Variants in MYO5B observed in about 807,000 individuals in gnomAD.
MYO5B encodes myosin VB, also known as unconventional myosin-Vb.
MYO5B carries 143 observed loss-of-function variants against 229.3 expected under a neutral mutation model. That is an observed-to-expected ratio of 0.62 (90% confidence interval 0.54 to 0.72). MYO5B has a LOEUF of 0.72. Among genes scored for constraint, MYO5B ranks in the 30% least tolerant of loss-of-function variants. The pLI is 0.00. For synonymous variants in MYO5B, 918 were observed against 885.2 expected (o/e 1.04, Z -0.66); for missense variants, 2,321 against 2,331.0 (o/e 1.00, Z 0.09).
intron 14 of MYO5B, among the ~76,000 whole-genome samples, chr18:49,940,656 C>G (rs2025303936): frequency 6.6e-6 from 1 of 152,176 alleles, no homozygotes. Context: ...GTATTTTTCA[C>G]ATATTAAAGT....
At chr18:49,892,703 T>TC (rs2024729601) in intron 22 of MYO5B, among the ~76,000 whole-genome samples, 1 of 152,172 alleles carries the variant, frequency 6.6e-6, no homozygotes, top group South Asian at 2.1e-4. Context: ...GCCAGCCAGC[T>TC]CATCTACCTA....
At chr18:49,845,375 T>C (rs2024112140) in intron 33 of MYO5B, among the ~76,000 whole-genome samples, 1 of 152,210 alleles carries the variant, frequency 6.6e-6, no homozygotes, top group Non-Finnish European at 1.5e-5. Context: ...TTAAGGCAGA[T>C]GTCACAATCT....
Position 49,895,114 on chromosome 18 carries a change from C to T in MYO5B, c.2872G>A (p.Glu958Lys). Residue 958 changes from glutamate to lysine, a missense_variant, in exon 22 of 40, where the codon GAG becomes AAG. Physicochemically the swap from Glu to Lys is moderately conservative, Grantham distance 56. Around this residue, in one of 2 missense-constraint regions of MYO5B, gnomAD observed 2,113 missense variants for 2,044.7 expected, o/e 1.03. Coordinates refer to ENST00000285039, the MANE Select transcript of MYO5B (RefSeq NM_001080467.3). ...LSVTTSTYTM[E>K]VERLKKELVH... ...AGCTCCTTCTTCAGCCGCTCTACCTCCATGGTGTATGTTGAGGTGGTCACG... is the reference window on the plus strand; with the variant it reads ...AGCTCCTTCTTCAGCCGCTCTACCTTCATGGTGTATGTTGAGGTGGTCACG... 2 of 1,614,192 alleles carry T rather than the reference C, an allele frequency of 1.2e-6. No individual in the cohort carries two copies. Among genetic ancestry groups the T allele is most frequent in the Non-Finnish European group, 1.7e-6 (2 of 1,180,044 alleles).
intron 27 of MYO5B, among the ~76,000 whole-genome samples, chr18:49,865,727 T>C (rs1004097927): frequency 6.6e-6 from 1 of 152,206 alleles, no homozygotes; most frequent in Non-Finnish European, 1.5e-5. Context: ...TGACAGCTGT[T>C]GGCTGTGTGC....
intron 2 of MYO5B, among the ~76,000 whole-genome samples, chr18:50,045,548 C>T (rs2030201099): frequency 6.6e-6 from 1 of 152,120 alleles, no homozygotes; most frequent in Non-Finnish European, 1.5e-5. Context: ...TATGTGCCAT[C>T]ACACTTGGCT....
At chr18:50,116,950 A>T (rs2457966) in intron 1 of MYO5B, among the ~76,000 whole-genome samples, 1 of 152,168 alleles carries the variant, frequency 6.6e-6, no homozygotes, top group Non-Finnish European at 1.5e-5. Context: ...CATAAGACTC[A>T]CATACCCAAC....
At chr18:50,114,137 G>A (rs1437121584) in intron 1 of MYO5B, among the ~76,000 whole-genome samples, 1 of 152,132 alleles carries the variant, frequency 6.6e-6, no homozygotes, top group Non-Finnish European at 1.5e-5. Context: ...GTTGCAATGA[G>A]GAGATGGTAT....
intron 14 of MYO5B, among the ~76,000 whole-genome samples, chr18:49,952,163 G>A (rs2025437513): frequency 6.6e-6 from 1 of 152,164 alleles, no homozygotes; most frequent in South Asian, 2.1e-4. Context: ...TTGGCTTTAT[G>A]TCCTGGGTCC....
intron 2 of MYO5B, among the ~76,000 whole-genome samples, chr18:50,044,478 A>C (rs2030164176): frequency 6.6e-6 from 1 of 152,082 alleles, no homozygotes; most frequent in Non-Finnish European, 1.5e-5. Flanking sequence ...ATTAATACTT[A>C]GTCACCACTC....
At chr18:50,164,010 GAGGTACAACATTAC>G (rs2032807702) in intron 1 of MYO5B, among the ~76,000 whole-genome samples, 1 of 152,224 alleles carries the variant, frequency 6.6e-6, no homozygotes, top group Admixed American at 6.5e-5. Flanking sequence ...CAAGTTATCA[GAGGTACAACATTAC>G]AGGCAAAGAA....
At position 49,913,212 on chromosome 18, in the gene MYO5B, T is replaced by C. The variant is rs898695406; in HGVS notation, c.2091-1039A>G. ...GGGAATCTTTAAAGAAAGCCTTAAGTTTTCCCCTTGGCCTCTGAAATGATC... is the reference window on the plus strand; with the variant it reads ...GGGAATCTTTAAAGAAAGCCTTAAGCTTTCCCCTTGGCCTCTGAAATGATC... On this transcript the variant is annotated intron_variant, in intron 17 of 39. Coordinates refer to ENST00000285039, the MANE Select transcript of MYO5B (RefSeq NM_001080467.3). 3.3e-5 allele frequency among the ~76,000 whole-genome samples: 5 copies of C among 152,182 alleles called. No individual in the cohort carries two copies. The South Asian group carries it at 6.2e-4, about 19-fold the overall frequency.
chr18:50,128,267 GA>G (rs142348914), intron 1 of MYO5B, among the ~76,000 whole-genome samples: 11,468 of 152,194 alleles, frequency 0.075, 505 homozygotes, highest in East Asian at 0.21. Flanking sequence ...GCGAAGATGT[GA>G]AAAAATGAGA....
At chr18:50,111,043 T>A (rs1440547576) in intron 1 of MYO5B, among the ~76,000 whole-genome samples, 1 of 152,154 alleles carries the variant, frequency 6.6e-6, no homozygotes, top group African/African-American at 2.4e-5. Flanking sequence ...TTAATTCCCC[T>A]CTCATAAGGT....
Position 50,091,192 on chromosome 18 carries a change from C to T in MYO5B, c.28-35814G>A, listed in dbSNP as rs192295470. On this transcript the variant is annotated intron_variant, in intron 1 of 39. Transcript: ENST00000285039. ...AAGGAGACTAAAACAAAGTCCTCTA[C>T]TATCATTCAGACGCACTGGAAGTTT... is the stretch of plus-strand genomic sequence containing the variant. Among the ~76,000 whole-genome samples, 18 of 152,322 alleles carry T rather than the reference C, an allele frequency of 1.2e-4. No individual in the cohort carries two copies. In the East Asian group the frequency reaches 2.1e-3, roughly 18 times the overall value.
chr18:50,107,333 T>C (rs1398104411), intron 1 of MYO5B, among the ~76,000 whole-genome samples: 2 of 151,776 alleles, frequency 1.3e-5, no homozygotes, highest in Non-Finnish European at 2.9e-5. Flanking sequence ...GCCAGGATGG[T>C]CTTGATCTCC....
At chr18:49,827,208 G>A (rs2023857786) in intron 39 of MYO5B, among the ~76,000 whole-genome samples, 1 of 152,256 alleles carries the variant, frequency 6.6e-6, no homozygotes. Flanking sequence ...GGTAAAGGGA[G>A]AGGCTGCTGA....
At chr18:49,903,218 G>A (rs780255050) in intron 20 of MYO5B, among the ~76,000 whole-genome samples, 1 of 151,922 alleles carries the variant, frequency 6.6e-6, no homozygotes, top group Non-Finnish European at 1.5e-5. Context: ...ACTTCAGTGA[G>A]TGTCCACAGC....
intron 1 of MYO5B, among the ~76,000 whole-genome samples, chr18:50,181,504 C>A (rs1705545): frequency 0.27 from 41,611 of 152,116 alleles, 5,796 homozygotes; most frequent in Middle Eastern, 0.32. Context: ...GTGTGAATAA[C>A]TTAACTATTT....
At position 50,019,454 on chromosome 18, in the gene MYO5B, T is replaced by C. The variant is rs1268236779; in HGVS notation, c.455+17396A>G. ...AACACAATCCTCTATTTCGGATCTA[T>C]CTCACCCAGCAAACTCTTTAATTCA... On this transcript the variant is annotated intron_variant, in intron 4 of 39. Coordinates refer to ENST00000285039, the MANE Select transcript of MYO5B (RefSeq NM_001080467.3). Among the ~76,000 whole-genome samples the C allele has an allele frequency of 3.9e-5, 6 of 152,200 alleles. No homozygotes were observed. In the East Asian group the frequency reaches 9.6e-4, roughly 24 times the overall value.
Sources: allele counts gnomAD v4.1 joint callset (sites outside exome capture counted in the v4.1 genomes callset), GRCh38; gene constraint gnomAD v4.1.1; regional missense constraint gnomAD v4.1.1; transcripts MANE v1.5; gene names NCBI Gene and HGNC (gene_info 2026-07-23, HGNC 2026-07-21).